SCNN1B: variants seen among roughly 807,000 people sequenced by gnomAD.
The protein encoded by SCNN1B is epithelial sodium channel subunit beta.
Under a neutral mutation model 65.3 loss-of-function variants are expected in SCNN1B, and 46 were observed. The ratio of observed to expected loss-of-function variants is 0.70; its 90% CI spans 0.56 to 0.90. The LOEUF is 0.90. Among genes scored for constraint, SCNN1B ranks in the 40% least tolerant of loss-of-function variants. SCNN1B has a pLI of 0.00. For synonymous variants in SCNN1B, 349 were observed against 330.6 expected, an observed-to-expected ratio of 1.06 and a Z score of -0.60; for missense variants, 751 against 830.5, an observed-to-expected ratio of 0.90 and a Z score of 1.18.
At chr16:23,292,665 G>C (rs1459241242) in intron 2 of SCNN1B, among the ~76,000 whole-genome samples, 1 of 151,234 alleles carries the variant, frequency 6.6e-6, no homozygotes. Flanking sequence ...TACCATGCCT[G>C]GCTAATTTTT....
In SCNN1B at chr16:23,304,359, T is replaced by TAC. The variant is rs753903649; in HGVS notation, c.-9+1932_-9+1933dup. ...ACACAAGCAAGTGTACATGCATGCA[T>TAC]ACACACACACAGGTGTGTGCACACA... On this transcript the variant is annotated intron_variant, in intron 1 of 12. Coordinates refer to ENST00000343070, the MANE Select transcript of SCNN1B (RefSeq NM_000336.3). Among the ~76,000 whole-genome samples, 13 of 152,068 alleles carry TAC rather than the reference T, an allele frequency of 8.5e-5. No individual in the cohort carries two copies. In the East Asian group the frequency reaches 2.3e-3, roughly 27 times the overall value.
At chr16:23,368,287 C>G (rs1962713831) in intron 5 of SCNN1B, among the ~76,000 whole-genome samples, 1 of 152,126 alleles carries the variant, frequency 6.6e-6, no homozygotes, top group South Asian at 2.1e-4. Context: ...GCCTGTAATC[C>G]CAACACTTTG....
chr16:23,370,939 C>T (rs1435540241), intron 5 of SCNN1B, among the ~76,000 whole-genome samples: 1 of 152,218 alleles, frequency 6.6e-6, no homozygotes, highest in Non-Finnish European at 1.5e-5. Context: ...AGGAGGAAGG[C>T]GTGCAGAAGC....
At chr16:23,324,731 G>A (rs1218493310) in intron 1 of SCNN1B, among the ~76,000 whole-genome samples, 1 of 152,092 alleles carries the variant, frequency 6.6e-6, no homozygotes, top group African/African-American at 2.4e-5. Context: ...ATCTTTCAAG[G>A]CTTGGCAGAA....
intron 2 of SCNN1B, among the ~76,000 whole-genome samples, chr16:23,286,490 A>G (rs551888931): frequency 2.0e-5 from 3 of 152,376 alleles, no homozygotes; most frequent in African/African-American, 7.2e-5. Context: ...CTAATGAGAC[A>G]GCCTTTCATT....
rs114704299 is a variant in SCNN1B at position 23,346,144 on chromosome 16, G to A, written c.-8-2448G>A. Among the ~76,000 whole-genome samples the A allele has an allele frequency of 9.2e-3, 1,383 of 150,012 alleles. 24 individuals are homozygous for A. The highest frequency in any genetic ancestry group is 0.03 in the African/African-American group (1,208 of 40,424). On this transcript the variant is annotated intron_variant, in intron 1 of 12. Coordinates refer to ENST00000343070, the MANE Select transcript of SCNN1B (RefSeq NM_000336.3). Reference sequence around the variant, plus strand: ...CCCATACTCTCCAACCTCATGCTCCGGACACAACCTCACCCCATTCTAATT... The same window carrying A: ...CCCATACTCTCCAACCTCATGCTCCAGACACAACCTCACCCCATTCTAATT...
intron 7 of SCNN1B, among the ~76,000 whole-genome samples, chr16:23,372,957 A>T (rs78858451): frequency 2.7e-5 from 4 of 148,064 alleles, no homozygotes; most frequent in African/African-American, 9.7e-5. Flanking sequence ...AAAAAAAAAA[A>T]TTAGCCAGGC....
In SCNN1B at chr16:23,312,211, C is replaced by A. The variant is rs139290381; in HGVS notation, c.-9+9774C>A. Among the ~76,000 whole-genome samples the A allele has an allele frequency of 3.6e-3, 542 of 152,232 alleles. 1 individual carries two copies. Among genetic ancestry groups the A allele is most frequent in the African/African-American group, 0.012 (502 of 41,522 alleles). On this transcript the variant is annotated intron_variant, in intron 1 of 12. Coordinates refer to ENST00000343070, the MANE Select transcript of SCNN1B (RefSeq NM_000336.3). ...TCTCAAACTCCTGGGCTCAAGGAATCCTCCCACCTCGAGCTCACAAAGTGT... is the reference window on the plus strand; with the variant it reads ...TCTCAAACTCCTGGGCTCAAGGAATACTCCCACCTCGAGCTCACAAAGTGT...
Position 23,375,768 on chromosome 16 carries a change from A to G in SCNN1B, c.1183A>G (p.Met395Val), listed in dbSNP as rs756713710. The stretch of plus-strand genomic sequence containing the variant: ...TCTTCGCTCCTGCTTCCAAGACCAC[A>G]TGATCCGTAACTGCAACTGTGGCCA... ...ACLRSCFQDH[M>V]IRNCNCGHYL... The change falls in exon 8 of 13, where the codon ATG becomes GTG. Residue 395 changes from methionine to valine, a missense_variant. Physicochemically the swap from Met to Val is conservative, Grantham distance 21 (BLOSUM62 1). Coordinates refer to ENST00000343070, the MANE Select transcript of SCNN1B (RefSeq NM_000336.3). 7.4e-6 allele frequency: 12 copies of G among 1,614,012 alleles called. No individual in the cohort carries two copies. The highest frequency in any genetic ancestry group is 1.3e-5 in the African/African-American group (1 of 75,004).
In SCNN1B at chr16:23,348,792, T is replaced by C. The variant is rs922493069; in HGVS notation, c.193T>C (p.Trp65Arg). 6.2e-7 allele frequency: 1 copy of C among 1,614,182 alleles called. No homozygotes were observed. Among genetic ancestry groups the C allele is most frequent in the Non-Finnish European group, 8.5e-7 (1 of 1,180,036 alleles). The change falls in exon 2 of 13, where the codon TGG becomes CGG. Residue 65 changes from tryptophan (W) to arginine (R), a missense_variant. Trp to Arg is a moderately radical substitution (Grantham distance 101). Coordinates refer to ENST00000343070, the MANE Select transcript of SCNN1B (RefSeq NM_000336.3). The surrounding 1 kb of genome is among the most constrained non-coding windows in gnomAD (Gnocchi z 4.5). Reference protein sequence around the residue: ...LTLLFAALVCWQWGIFIRTYL... With the variant: ...LTLLFAALVCRQWGIFIRTYL... Reference sequence around the variant, plus strand: ...CCTGCTCTTCGCCGCCCTCGTCTGCTGGCAGTGGGGCATCTTCATCAGGAC... The same window carrying C: ...CCTGCTCTTCGCCGCCCTCGTCTGCCGGCAGTGGGGCATCTTCATCAGGAC...
chr16:23,279,492 T>C (rs565632770), intron 1 of SCNN1B, among the ~76,000 whole-genome samples: 37 of 152,256 alleles, frequency 2.4e-4, no homozygotes, highest in African/African-American at 8.2e-4. Context: ...AATTCTTAAT[T>C]TGGAGATGTC....
chr16:23,360,856 A>G (rs238550), intron 4 of SCNN1B, among the ~76,000 whole-genome samples: 121,087 of 151,656 alleles, frequency 0.8, 49,063 homozygotes, highest in African/African-American at 0.94. Context: ...GTACAGTGGC[A>G]CTATCTCGGC....
chr16:23,352,757 C>T lies in SCNN1B; in HGVS notation c.312-44C>T, dbSNP rs746222946. On this transcript the variant is annotated intron_variant, in intron 2 of 12. Coordinates refer to ENST00000343070, the MANE Select transcript of SCNN1B (RefSeq NM_000336.3). ...CCCAGATTTCATTTGCTCTGCTTTA[C>T]AGATATGCATTCCTTCCCCCTAACC... 3.7e-6 allele frequency: 6 copies of T among 1,609,358 alleles called. No individual in the cohort carries two copies. In the South Asian group the frequency reaches 4.4e-5, roughly 12 times the overall value.
intron 7 of SCNN1B, among the ~76,000 whole-genome samples, chr16:23,372,521 G>T (rs543451403): frequency 6.8e-6 from 1 of 147,368 alleles, no homozygotes; most frequent in Non-Finnish European, 1.5e-5. Context: ...TTGAGATGGA[G>T]TCTCACTCTG....
At position 23,343,154 on chromosome 16, in the gene SCNN1B, C is replaced by T. The variant is rs191133645; in HGVS notation, c.-8-5438C>T. On this transcript the variant is annotated intron_variant, in intron 1 of 12. Transcript: ENST00000343070. ...AGAAAGCATAGAAGAAAACCTGTCT[C>T]GTAAGAGAACTGAAACAGGGCTGGG... Among the ~76,000 whole-genome samples the T allele has an allele frequency of 5.1e-3, 772 of 152,146 alleles. 10 individuals carry two copies. The highest frequency in any genetic ancestry group is 0.016 in the African/African-American group (673 of 41,532).
chr16:23,376,257 C>T (rs9931419), intron 8 of SCNN1B, among the ~76,000 whole-genome samples: 8,056 of 152,120 alleles, frequency 0.053, 731 homozygotes, highest in African/African-American at 0.18. Flanking sequence ...AGGAGCTGTT[C>T]GTGACTGCAG....
At chr16:23,327,665 C>T (rs916251985) in intron 1 of SCNN1B, among the ~76,000 whole-genome samples, 1 of 152,168 alleles carries the variant, frequency 6.6e-6, no homozygotes, top group Non-Finnish European at 1.5e-5. Flanking sequence ...CCATGAGTGT[C>T]TGTATCCATA....
intron 11 of SCNN1B, among the ~76,000 whole-genome samples, chr16:23,379,608 T>C (rs1216493921): frequency 1.3e-5 from 2 of 152,148 alleles, no homozygotes; most frequent in Admixed American, 6.5e-5. Context: ...CAGCCACCCT[T>C]CTCTGTCCCA....
intron 4 of SCNN1B, among the ~76,000 whole-genome samples, chr16:23,363,206 A>G (rs1199570162): frequency 1.3e-5 from 2 of 152,242 alleles, no homozygotes; most frequent in South Asian, 2.1e-4. Context: ...GACCCTGGGC[A>G]TGGAGCTGTG....
Sources: allele counts gnomAD v4.1 joint callset (sites outside exome capture counted in the v4.1 genomes callset), GRCh38; gene constraint gnomAD v4.1.1; non-coding constraint Gnocchi (gnomAD v3.1); transcripts MANE v1.5; gene names NCBI Gene and HGNC (gene_info 2026-07-23, HGNC 2026-07-21).